PLCE1: variants seen among roughly 807,000 people sequenced by gnomAD.
PLCE1 encodes the protein 1-phosphatidylinositol 4,5-bisphosphate phosphodiesterase epsilon-1.
A neutral mutation model predicts 242.8 loss-of-function variants in PLCE1; 119 were observed. The ratio of observed to expected loss-of-function variants is 0.49; its 90% CI spans 0.42 to 0.57. PLCE1 has a LOEUF of 0.57. PLCE1 is among the 20% of genes least tolerant of loss of function. PLCE1 has a pLI of 0.00. For synonymous variants in PLCE1, 945 were observed against 1,017.4 expected (o/e 0.93, Z 1.35); for missense variants, 2,441 against 2,788.8 (o/e 0.88, Z 2.81).
chr10:94,201,029 A>G (rs2048970896), intron 4 of PLCE1, among the ~76,000 whole-genome samples: 1 of 152,202 alleles, frequency 6.6e-6, no homozygotes. Context: ...GGATCCTGGA[A>G]CAGAAAAAGG....
chr10:94,246,292 C>T lies in PLCE1; in HGVS notation c.2767C>T (p.Leu923=). The change falls in exon 8 of 33, where the codon CTG becomes TTG. Residue 923 remains leucine (L), a synonymous_variant. Coordinates refer to ENST00000371380, the MANE Select transcript of PLCE1 (RefSeq NM_016341.4). ...AGCTGAGCCTGGAAAATTCCCACTA[C>T]TGGGTAATGCTGGATTAAGTAGCCT... ...NTAEPGKFPL[L]GNAGLSSLTE... is the part of the protein sequence containing the mutation. 8 of 1,614,184 alleles carry T rather than the reference C, an allele frequency of 5.0e-6. No homozygotes were observed. The highest frequency in any genetic ancestry group is 6.8e-6 in the Non-Finnish European group (8 of 1,180,014).
chr10:94,114,324 G>A (rs2046049907), intron 2 of PLCE1, among the ~76,000 whole-genome samples: 1 of 152,160 alleles, frequency 6.6e-6, no homozygotes, highest in Non-Finnish European at 1.5e-5. Context: ...AGACAGATGA[G>A]TATAGACAGT....
At chr10:94,192,848 C>T (rs1401073163) in intron 4 of PLCE1, among the ~76,000 whole-genome samples, 1 of 152,150 alleles carries the variant, frequency 6.6e-6, no homozygotes, top group African/African-American at 2.4e-5. Flanking sequence ...TCATTTTTAA[C>T]AATTTTAAAA....
intron 4 of PLCE1, among the ~76,000 whole-genome samples, chr10:94,220,980 C>T (rs529595597): frequency 2.6e-5 from 4 of 152,302 alleles, no homozygotes; most frequent in African/African-American, 7.2e-5. Flanking sequence ...CAGTCTCAAT[C>T]TCAGGTACAG....
At chr10:94,009,553 A>G (rs2061126191) in intron 1 of PLCE1, among the ~76,000 whole-genome samples, 1 of 152,202 alleles carries the variant, frequency 6.6e-6, no homozygotes, top group Admixed American at 6.5e-5. Context: ...ACCATCAAGT[A>G]CCAATTCCTA....
rs867246620 is a variant in PLCE1, at chr10:94,132,257, G to A, written c.1290G>A (p.Glu430=). 2.0e-5 allele frequency: 33 copies of A among 1,614,096 alleles called. 1 individual carries two copies. The Middle Eastern group carries it at 3.6e-3, about 178-fold the overall frequency. The change falls in exon 3 of 33, where the codon GAG becomes GAA. Residue 430 remains glutamate, a synonymous_variant. Coordinates refer to ENST00000371380, the MANE Select transcript of PLCE1 (RefSeq NM_016341.4). ...TCCTCACCAAGCTCCCAGCCTCCGAGACAGCCCATGGAAGGATAAGCGTTG... is the reference window on the plus strand; with the variant it reads ...TCCTCACCAAGCTCCCAGCCTCCGAAACAGCCCATGGAAGGATAAGCGTTG... ...LHFLTKLPAS[E]TAHGRISVGP...
Position 94,254,401 on chromosome 10 carries a change from C to A in PLCE1, c.3397+94C>A, listed in dbSNP as rs547055180. On this transcript the variant is annotated intron_variant, in intron 10 of 32. Coordinates refer to ENST00000371380, the MANE Select transcript of PLCE1 (RefSeq NM_016341.4). ...GTTTTAAATTGTGATTTAAGCATTG[C>A]AAACATTTCTAACAAAACTCTTTGT... The A allele has an allele frequency of 4.5e-5, 39 of 860,156 alleles. No individual in the cohort carries two copies. In the Admixed American group the frequency reaches 6.8e-4, roughly 15 times the overall value. The allele number at this position is 860,156 out of a possible 1,614,324, so 53.3% of individuals were successfully genotyped here. A position where few individuals can be genotyped will look rare whatever the true frequency, so the allele number is the denominator to read the frequency against.
chr10:94,136,731 A>G (rs930988574), intron 3 of PLCE1, among the ~76,000 whole-genome samples: 3 of 152,226 alleles, frequency 2.0e-5, no homozygotes, highest in African/African-American at 7.2e-5. Flanking sequence ...GTGCCACCAA[A>G]GGTCATCTGC....
intron 2 of PLCE1, among the ~76,000 whole-genome samples, chr10:94,083,868 T>G (rs1238566096): frequency 6.6e-6 from 1 of 152,210 alleles, no homozygotes; most frequent in Non-Finnish European, 1.5e-5. Context: ...ACTTTTTTCT[T>G]GCCTAGCAAA....
At chr10:94,305,728 A>G (rs928046863) in intron 25 of PLCE1, among the ~76,000 whole-genome samples, 25 of 152,212 alleles carry the variant, frequency 1.6e-4, no homozygotes, top group African/African-American at 5.1e-4. Context: ...TTGCTCCAAA[A>G]TGAAACTATT....
At chr10:94,127,602 A>G in intron 2 of PLCE1, among the ~76,000 whole-genome samples, 1 of 152,216 alleles carries the variant, frequency 6.6e-6, no homozygotes, top group African/African-American at 2.4e-5. Flanking sequence ...TGAAGGAAAT[A>G]ATTCGCGGCC....
At position 94,306,362 on chromosome 10, in the gene PLCE1, G is replaced by A. The variant is rs1043062665; in HGVS notation, c.5623-65G>A. ...TTCCTTTGCAGAGGGAAGCAGTGAG[G>A]TGCAGAGGTTGTCTTTCTTTTTTAT... On this transcript the variant is annotated intron_variant, in intron 25 of 32. Transcript: ENST00000371380. The surrounding 1 kb of genome is among the most constrained non-coding windows in gnomAD (Gnocchi z 5.7). 6.2e-7 allele frequency: 1 copy of A among 1,613,486 alleles called. No individual in the cohort carries two copies. The highest frequency in any genetic ancestry group is 8.5e-7 in the Non-Finnish European group (1 of 1,179,588).
At chr10:94,055,816 G>A (rs1229447790) in intron 2 of PLCE1, among the ~76,000 whole-genome samples, 1 of 152,104 alleles carries the variant, frequency 6.6e-6, no homozygotes, top group Non-Finnish European at 1.5e-5. Flanking sequence ...CAAATTTATG[G>A]CCTTTTTACT....
chr10:94,028,584 A>G (rs1197804812), intron 1 of PLCE1, among the ~76,000 whole-genome samples: 3 of 152,152 alleles, frequency 2.0e-5, no homozygotes, highest in African/African-American at 7.2e-5. Context: ...GAGGAGTATC[A>G]AAGAATTTGT....
At chr10:94,145,695 T>C (rs2047092223) in intron 3 of PLCE1, among the ~76,000 whole-genome samples, 1 of 152,038 alleles carries the variant, frequency 6.6e-6, no homozygotes, top group African/African-American at 2.4e-5. Flanking sequence ...TGGTGTCCTG[T>C]TCAGCTCTAG....
rs59633337 is a variant in PLCE1, at chr10:94,220,376, TTATATATATATATATATATA to T, written c.1810-6906_1810-6887del. 5.8e-4 allele frequency among the ~76,000 whole-genome samples: 36 copies of T among 61,906 alleles called. 1 individual carries two copies. The highest frequency in any genetic ancestry group is 3.0e-3 in the East Asian group (2 of 674). 40.6% of individuals were successfully genotyped at this position (61,906 alleles called of 152,430 possible). The stretch of plus-strand genomic sequence containing the variant: ...AATAAAAGCTTAAAAACTAAACATT[TTATATATATATATATATATA>T]TATATATATATATATATATATATGA... On this transcript the variant is annotated intron_variant, in intron 4 of 32. Transcript: ENST00000371380.
At chr10:94,251,539 G>A (rs1012749235) in intron 8 of PLCE1, among the ~76,000 whole-genome samples, 2 of 152,196 alleles carry the variant, frequency 1.3e-5, no homozygotes. Context: ...ATCATCTTTA[G>A]CTCATAGGCA....
chr10:94,021,723 G>A (rs1174453902), intron 1 of PLCE1, among the ~76,000 whole-genome samples: 1 of 152,010 alleles, frequency 6.6e-6, no homozygotes, highest in Non-Finnish European at 1.5e-5. Flanking sequence ...CCATTCTAAA[G>A]CCTTTATGTT....
chr10:94,071,931 A>G (rs2044373394), intron 2 of PLCE1, among the ~76,000 whole-genome samples: 1 of 151,528 alleles, frequency 6.6e-6, no homozygotes, highest in Admixed American at 6.6e-5. Context: ...CTTTCATTTC[A>G]TTGCATTGAG....
Sources: allele counts gnomAD v4.1 joint callset (sites outside exome capture counted in the v4.1 genomes callset), GRCh38; gene constraint gnomAD v4.1.1; non-coding constraint Gnocchi (gnomAD v3.1); transcripts MANE v1.5; gene names NCBI Gene and HGNC (gene_info 2026-07-23, HGNC 2026-07-21).